The following UBE2L3 variants were observed in gnomAD, a reference collection of about 807,000 sequenced individuals.
UBE2L3 encodes ubiquitin-conjugating enzyme E2 L3.
Under a neutral mutation model 17.8 loss-of-function variants are expected in UBE2L3, and 1 was observed. The ratio of observed to expected loss-of-function variants is 0.06; its 90% CI spans 0.02 to 0.27. The LOEUF is 0.27. UBE2L3 is among the 10% of genes least tolerant of loss of function. The pLI, the probability that UBE2L3 is intolerant of heterozygous loss-of-function variation, is 1.00. For synonymous variants in UBE2L3, 44 were observed against 68.5 expected (o/e 0.64, Z 1.76); for missense variants, 40 against 192.6 (o/e 0.21, Z 4.69).
intron 1 of UBE2L3, among the ~76,000 whole-genome samples, chr22:21,559,856 G>A (rs1357201631): frequency 6.6e-6 from 1 of 152,286 alleles, no homozygotes; most frequent in Non-Finnish European, 1.5e-5. Flanking sequence ...AACCCGCTGA[G>A]TTCCAGTGGA....
intron 3 of UBE2L3, among the ~76,000 whole-genome samples, chr22:21,619,806 C>T (rs944372148): frequency 6.6e-6 from 1 of 152,220 alleles, no homozygotes; most frequent in East Asian, 1.9e-4. Context: ...ATTCTCCTGC[C>T]TCAGCCTCCT....
intron 1 of UBE2L3, among the ~76,000 whole-genome samples, chr22:21,580,844 C>A (rs1927579655): frequency 6.6e-6 from 1 of 151,118 alleles, no homozygotes; most frequent in East Asian, 2.0e-4. Flanking sequence ...CTCAGCCTCC[C>A]AAAGTGCCGG....
intron 2 of UBE2L3, among the ~76,000 whole-genome samples, chr22:21,603,907 A>ATTTTTTTTTTTTTTTTTTTTT (rs144747629): frequency 9.0e-6 from 1 of 111,328 alleles, no homozygotes; most frequent in African/African-American, 3.4e-5. Context: ...GTGTTTTTTG[A>ATTTTTTTTTTTTTTTTTTTTT]TTTTTTTTTT....
chr22:21,590,530 T>C (rs1042942019), intron 1 of UBE2L3, among the ~76,000 whole-genome samples: 2 of 152,280 alleles, frequency 1.3e-5, no homozygotes, highest in African/African-American at 2.4e-5. Flanking sequence ...GGAGTGTGGA[T>C]TTCTGAAACC....
intron 2 of UBE2L3, among the ~76,000 whole-genome samples, chr22:21,598,589 T>A (rs1245876559): frequency 1.3e-5 from 2 of 149,812 alleles, no homozygotes; most frequent in Non-Finnish European, 3.0e-5. Flanking sequence ...CTGGGTGCAG[T>A]GGCTCACACC....
intron 3 of UBE2L3, among the ~76,000 whole-genome samples, chr22:21,612,350 G>A (rs1242842882): frequency 2.6e-5 from 4 of 151,954 alleles, no homozygotes; most frequent in Non-Finnish European, 2.9e-5. Flanking sequence ...TTTTGGAAAC[G>A]GAGTCTCGCT....
intron 2 of UBE2L3, among the ~76,000 whole-genome samples, chr22:21,595,867 G>T (rs1928490887): frequency 6.6e-6 from 1 of 151,832 alleles, no homozygotes; most frequent in African/African-American, 2.4e-5. Context: ...CTTTTTTCAT[G>T]CAGTTTCTTT....
chr22:21,617,397 G>C (rs997145160), intron 3 of UBE2L3, among the ~76,000 whole-genome samples: 4 of 152,034 alleles, frequency 2.6e-5, no homozygotes, highest in African/African-American at 9.7e-5. Flanking sequence ...CTCCCGAGTA[G>C]CTGGGACTAC....
upstream of UBE2L3, among the ~76,000 whole-genome samples, chr22:21,563,005 A>G (rs1420455397): frequency 1.3e-5 from 2 of 151,626 alleles, no homozygotes; most frequent in Non-Finnish European, 2.9e-5. Flanking sequence ...GCACTTTGGG[A>G]GGCCGAAATG....
At chr22:21,613,920 T>C (rs959229821) in intron 3 of UBE2L3, among the ~76,000 whole-genome samples, 1 of 152,236 alleles carries the variant, frequency 6.6e-6, no homozygotes, top group Admixed American at 6.5e-5. Context: ...GGTGAAGGCA[T>C]AGAACTGGTA....
chr22:21,579,358 GGAT>G (rs1927503244), intron 1 of UBE2L3, among the ~76,000 whole-genome samples: 1 of 152,102 alleles, frequency 6.6e-6, no homozygotes, highest in South Asian at 2.1e-4. Flanking sequence ...CCTATGGAAG[GGAT>G]GATGTCTTGG....
intron 3 of UBE2L3, among the ~76,000 whole-genome samples, chr22:21,621,090 C>T (rs1053775294): frequency 6.6e-6 from 1 of 152,066 alleles, no homozygotes; most frequent in African/African-American, 2.4e-5. Context: ...TTGAGGTCAA[C>T]CCAGGAGGTT....
At chr22:21,614,444 A>G (rs903572615) in intron 3 of UBE2L3, 2 of 561,230 alleles carry the variant, frequency 3.6e-6, no homozygotes, top group Non-Finnish European at 6.1e-6. Flanking sequence ...AAAAAAAGAA[A>G]GAAAGAAAGG....
At chr22:21,620,530 G>A (rs772144725) in intron 3 of UBE2L3, among the ~76,000 whole-genome samples, 1 of 152,146 alleles carries the variant, frequency 6.6e-6, no homozygotes. Flanking sequence ...ACAGGGTCAG[G>A]GGGCAACTGT....
upstream of UBE2L3, chr22:21,567,621 T>G: frequency 6.5e-7 from 1 of 1,533,858 alleles, no homozygotes; most frequent in East Asian, 2.5e-5. Context: ...AAGCACACAG[T>G]AGGTGCTCCG....
chr22:21,594,585 A>G (rs1928426222), intron 2 of UBE2L3, among the ~76,000 whole-genome samples: 1 of 151,948 alleles, frequency 6.6e-6, no homozygotes, highest in African/African-American at 2.4e-5. Context: ...AATCATTTGG[A>G]TAACTAAGGA....
intron 2 of UBE2L3, among the ~76,000 whole-genome samples, chr22:21,600,312 T>TA (rs774202296): frequency 6.6e-6 from 1 of 151,844 alleles, no homozygotes; most frequent in Non-Finnish European, 1.5e-5. Context: ...AAACTCCATC[T>TA]AAAAAAACAA....
At chr22:21,599,831 G>A (rs1368040460) in intron 2 of UBE2L3, among the ~76,000 whole-genome samples, 1 of 152,116 alleles carries the variant, frequency 6.6e-6, no homozygotes. Flanking sequence ...TGTGAGTGCT[G>A]TATTTTTTCC....
chr22:21,556,267 T>C lies in UBE2L3; in HGVS notation c.201+6617T>C, dbSNP rs528398098. Among the ~76,000 whole-genome samples, 92 of 152,302 alleles carry C rather than the reference T, an allele frequency of 6.0e-4. No individual in the cohort carries two copies. In the South Asian group the frequency reaches 0.019, roughly 32 times the overall value. ...AAAAAAGGCCAGGCATAGTGGCGTG[T>C]GCCTGTAGCCCCAGCTACTTAGGAG... On this transcript the variant is annotated intron_variant, in intron 1 of 3. Transcript: ENST00000458578.
Sources: allele counts gnomAD v4.1 joint callset (sites outside exome capture counted in the v4.1 genomes callset), GRCh38; gene constraint gnomAD v4.1.1; transcripts MANE v1.5; gene names NCBI Gene and HGNC (gene_info 2026-07-23, HGNC 2026-07-21).